Variants in CMSS1 observed in about 807,000 individuals in gnomAD.
CMSS1 encodes protein CMSS1.
In CMSS1, 33 loss-of-function variants were observed where a neutral mutation model predicts 43.5. The observed-to-expected ratio is 0.76, with a 90% CI of 0.57 to 1.01. CMSS1 has a LOEUF of 1.01. CMSS1 is among the 50% of genes least tolerant of loss of function. The pLI is 0.00. For missense variants in CMSS1, 313 were observed against 326.4 expected (o/e 0.96, Z 0.32); for synonymous variants, 115 against 117.2 (o/e 0.98, Z 0.12).
At chr3:99,972,144 G>A (rs1368584460) in intron 1 of CMSS1, among the ~76,000 whole-genome samples, 1 of 152,184 alleles carries the variant, frequency 6.6e-6, no homozygotes, top group Non-Finnish European at 1.5e-5. Flanking sequence ...AATATAGACT[G>A]ATATGCAAAG....
At chr3:100,147,270 T>TC (rs1490545803) in intron 2 of CMSS1, among the ~76,000 whole-genome samples, 8 of 146,136 alleles carry the variant, frequency 5.5e-5, no homozygotes, top group African/African-American at 2.0e-4. Flanking sequence ...TTTTTCTTTT[T>TC]TTTTTTTTTT....
intron 1 of CMSS1, among the ~76,000 whole-genome samples, chr3:99,927,578 A>C (rs1466105943): frequency 1.3e-5 from 2 of 152,136 alleles, no homozygotes; most frequent in Admixed American, 1.3e-4. Flanking sequence ...CATGTTGGTC[A>C]GGCTGGTCTC....
intron 1 of CMSS1, among the ~76,000 whole-genome samples, chr3:99,821,636 C>T (rs970239608): frequency 2.0e-5 from 3 of 152,194 alleles, no homozygotes; most frequent in Non-Finnish European, 2.9e-5. Flanking sequence ...AATGAGCAAA[C>T]ACAATGCCTG....
intron 1 of CMSS1, among the ~76,000 whole-genome samples, chr3:99,872,930 T>TA (rs1197359816): frequency 7.8e-4 from 118 of 151,284 alleles, no homozygotes; most frequent in African/African-American, 2.4e-3. Flanking sequence ...TTTTTTTTTT[T>TA]AAAAAAAGGA....
At chr3:99,950,503 G>A (rs919920637) in intron 1 of CMSS1, among the ~76,000 whole-genome samples, 11 of 152,178 alleles carry the variant, frequency 7.2e-5, no homozygotes, top group African/African-American at 1.9e-4. Context: ...ATTATCTTCC[G>A]TTTTCACTAG....
chr3:99,846,051 A>C (rs1295155534), intron 1 of CMSS1, among the ~76,000 whole-genome samples: 2 of 152,254 alleles, frequency 1.3e-5, no homozygotes, highest in Non-Finnish European at 2.9e-5. Context: ...AGCTCACATA[A>C]GAAATTGAAT....
At chr3:100,177,670 C>T (rs1187599768) in intron 9 of CMSS1, among the ~76,000 whole-genome samples, 1 of 152,008 alleles carries the variant, frequency 6.6e-6, no homozygotes, top group East Asian at 1.9e-4. Context: ...TATAGTACCT[C>T]CTCCTTCATT....
At chr3:99,956,818 A>G (rs1386906634) in intron 1 of CMSS1, among the ~76,000 whole-genome samples, 1 of 151,240 alleles carries the variant, frequency 6.6e-6, no homozygotes, top group Non-Finnish European at 1.5e-5. Context: ...CCTGCTCCCC[A>G]CTCTGCCAGT....
At chr3:100,125,305 T>C (rs974220608) in intron 1 of CMSS1, among the ~76,000 whole-genome samples, 1 of 152,212 alleles carries the variant, frequency 6.6e-6, no homozygotes, top group African/African-American at 2.4e-5. Flanking sequence ...GTGCTTCGTT[T>C]TGCTGGAAAG....
intron 1 of CMSS1, among the ~76,000 whole-genome samples, chr3:99,822,779 T>A (rs1942463211): frequency 6.6e-6 from 1 of 152,152 alleles, no homozygotes; most frequent in African/African-American, 2.4e-5. Flanking sequence ...CCAGCTTGCA[T>A]TTGTTGAGCA....
At chr3:100,061,077 T>C (rs775799854) in intron 1 of CMSS1, among the ~76,000 whole-genome samples, 19 of 151,716 alleles carry the variant, frequency 1.3e-4, no homozygotes, top group South Asian at 4.2e-4. Flanking sequence ...AAGTGGCCAA[T>C]AGATGTGCAC....
At chr3:99,994,927 T>C (rs1218950793) in intron 1 of CMSS1, among the ~76,000 whole-genome samples, 1 of 152,154 alleles carries the variant, frequency 6.6e-6, no homozygotes, top group Non-Finnish European at 1.5e-5. Flanking sequence ...ATGGGAATTA[T>C]GGGAGTACAA....
rs11371196 is a variant in CMSS1, at chr3:100,010,778, A to ATTT, written c.65-136176_65-136174dup. On this transcript the variant is annotated intron_variant, in intron 1 of 9. Coordinates refer to ENST00000421999, the MANE Select transcript of CMSS1 (RefSeq NM_032359.4). The stretch of plus-strand genomic sequence containing the variant: ...TACAGGTGCGCGCCTCCACGCCCGG[A>ATTT]TTTTTTTTTTTTTTTTTTTTTGTAT... Among the ~76,000 whole-genome samples the ATTT allele has an allele frequency of 3.2e-3, 299 of 93,648 alleles. 7 individuals are homozygous for ATTT. The highest frequency in any genetic ancestry group is 0.01 in the African/African-American group (228 of 22,682). 61.4% of individuals were successfully genotyped at this position (93,648 alleles called of 152,430 possible).
chr3:99,973,623 A>C (rs921741720), intron 1 of CMSS1, among the ~76,000 whole-genome samples: 4 of 152,216 alleles, frequency 2.6e-5, no homozygotes, highest in Non-Finnish European at 4.4e-5. Context: ...CACATCCTAT[A>C]GGTAAGTAAA....
chr3:100,178,208 C>T, intron 9 of CMSS1, 97 bp from the exon 10 acceptor site: 2 of 672,754 alleles, frequency 3.0e-6, no homozygotes, highest in Non-Finnish European at 5.3e-6. Flanking sequence ...GCCATAACAG[C>T]TGGGTAAATA....
rs539291460 is a variant in CMSS1 at position 100,022,572 on chromosome 3, C to A, written c.65-124401C>A. On this transcript the variant is annotated intron_variant, in intron 1 of 9. Transcript: ENST00000421999. Reference sequence around the variant, plus strand: ...TTTCAGACACCCTTGGTTTATTATTCTTTTGGCTTCACAAGTACATTCATG... The same window carrying A: ...TTTCAGACACCCTTGGTTTATTATTATTTTGGCTTCACAAGTACATTCATG... Among the ~76,000 whole-genome samples the A allele has an allele frequency of 2.2e-4, 33 of 152,298 alleles. 1 individual carries two copies. In the South Asian group the frequency reaches 6.8e-3, roughly 32 times the overall value.
At chr3:100,015,260 T>G (rs1710308239) in intron 1 of CMSS1, among the ~76,000 whole-genome samples, 1 of 152,192 alleles carries the variant, frequency 6.6e-6, no homozygotes, top group Admixed American at 6.5e-5. Flanking sequence ...ATATGTTTGT[T>G]TTCATGACAG....
intron 1 of CMSS1, among the ~76,000 whole-genome samples, chr3:100,063,917 A>T (rs1413745484): frequency 6.6e-6 from 1 of 152,204 alleles, no homozygotes; most frequent in Non-Finnish European, 1.5e-5. Flanking sequence ...ATCTCTCCAC[A>T]TGTTTACCCC....
intron 1 of CMSS1, among the ~76,000 whole-genome samples, chr3:100,006,731 T>C (rs1709998648): frequency 6.6e-6 from 1 of 152,016 alleles, no homozygotes; most frequent in African/African-American, 2.4e-5. Flanking sequence ...CTAGTTAAGT[T>C]AGGAAATTAA....
Sources: allele counts gnomAD v4.1 joint callset (sites outside exome capture counted in the v4.1 genomes callset), GRCh38; gene constraint gnomAD v4.1.1; transcripts MANE v1.5; gene names NCBI Gene and HGNC (gene_info 2026-07-23, HGNC 2026-07-21).